The following P2RY14 variants were observed in gnomAD, a reference collection of about 807,000 sequenced individuals.
P2RY14 encodes P2Y purinoceptor 14.
In P2RY14, 2 loss-of-function variants were observed where a neutral mutation model predicts 0.9. That is an observed-to-expected ratio of 2.16 (90% CI 0.88 to 6.79). The LOEUF (loss-of-function observed/expected upper bound fraction) is 6.79. P2RY14 is among the 30% of genes most tolerant of loss of function. The pLI is 0.05. For synonymous variants in P2RY14, 158 were observed against 147.2 expected (o/e 1.07, Z -0.53); for missense variants, 378 against 400.1 (o/e 0.94, Z 0.47).
chr3:151,245,362 A>T (rs1300707129), intron 1 of P2RY14, among the ~76,000 whole-genome samples: 1 of 151,644 alleles, frequency 6.6e-6, no homozygotes, highest in Admixed American at 6.6e-5. Flanking sequence ...TTGATGCAAA[A>T]ATCCTCAATA....
At chr3:151,243,486 T>A (rs1379140344) in intron 1 of P2RY14, among the ~76,000 whole-genome samples, 1 of 152,218 alleles carries the variant, frequency 6.6e-6, no homozygotes, top group African/African-American at 2.4e-5. Flanking sequence ...ACAAGAATTT[T>A]CAACCTGGAA....
chr3:151,226,674 T>G (rs1730550103), intron 1 of P2RY14, among the ~76,000 whole-genome samples: 1 of 152,162 alleles, frequency 6.6e-6, no homozygotes, highest in South Asian at 2.1e-4. Context: ...ATTATTTTTG[T>G]TTTTGATCTG....
chr3:151,248,302 A>G (rs549668287), intron 1 of P2RY14, among the ~76,000 whole-genome samples: 38 of 152,308 alleles, frequency 2.5e-4, no homozygotes, highest in African/African-American at 8.4e-4. Context: ...GTGACTCACC[A>G]TTAAATCCAT....
At chr3:151,261,847 C>T (rs1429691292) in intron 1 of P2RY14, among the ~76,000 whole-genome samples, 2 of 152,120 alleles carry the variant, frequency 1.3e-5, no homozygotes, top group African/African-American at 4.8e-5. Flanking sequence ...GCCTCAGCCT[C>T]CCGAGTAGCT....
At chr3:151,259,365 C>T (rs542640515) in intron 1 of P2RY14, among the ~76,000 whole-genome samples, 2 of 152,296 alleles carry the variant, frequency 1.3e-5, no homozygotes, top group African/African-American at 2.4e-5. Context: ...CCAGGAAATA[C>T]TTTCAGTGAG....
intron 1 of P2RY14, among the ~76,000 whole-genome samples, chr3:151,247,962 C>CTTTTTTTTTTTTTT (rs61102632): frequency 8.7e-4 from 66 of 75,900 alleles, no homozygotes; most frequent in East Asian, 1.8e-3. Context: ...TCTTCTTCTT[C>CTTTTTTTTTTTTTT]TTTTTTTTTT....
intron 1 of P2RY14, among the ~76,000 whole-genome samples, chr3:151,242,489 A>T (rs1734394077): frequency 1.3e-5 from 2 of 152,058 alleles, no homozygotes; most frequent in Non-Finnish European, 2.9e-5. Flanking sequence ...ACTGGGAGGC[A>T]CCCCCCAGCA....
chr3:151,244,815 T>C (rs1400385435), intron 1 of P2RY14, among the ~76,000 whole-genome samples: 1 of 151,984 alleles, frequency 6.6e-6, no homozygotes, highest in Non-Finnish European at 1.5e-5. Context: ...TTCAAAAAAT[T>C]AATGAATCCA....
chr3:151,219,798 C>T (rs1364981645), intron 1 of P2RY14, among the ~76,000 whole-genome samples, 156 bp from the exon 2 acceptor site: 1 of 150,888 alleles, frequency 6.6e-6, no homozygotes, highest in Non-Finnish European at 1.5e-5. Flanking sequence ...TATTTGTTGT[C>T]ATTATTGATT....
intron 1 of P2RY14, among the ~76,000 whole-genome samples, chr3:151,262,741 GAAT>G (rs1489852497): frequency 2.1e-5 from 3 of 143,968 alleles, no homozygotes; most frequent in Admixed American, 1.4e-4. Context: ...AAGATAACAG[GAAT>G]AATAATAATA....
chr3:151,265,957 G>A (rs1023804410), intron 1 of P2RY14, among the ~76,000 whole-genome samples: 5 of 152,178 alleles, frequency 3.3e-5, no homozygotes, highest in African/African-American at 1.2e-4. Flanking sequence ...GGGCAAGTCT[G>A]ATTAGTTCTG....
chr3:151,259,254 T>A (rs1738416914), intron 1 of P2RY14, among the ~76,000 whole-genome samples: 1 of 152,246 alleles, frequency 6.6e-6, no homozygotes, highest in Non-Finnish European at 1.5e-5. Context: ...TATCAACCTC[T>A]GGCTTTCCTT....
chr3:151,213,304 A>G lies in P2RY14; in HGVS notation c.1013T>C (p.Leu338Ser). 6.3e-7 allele frequency: 1 copy of G among 1,598,320 alleles called. No individual in the cohort carries two copies. The highest frequency in any genetic ancestry group is 8.5e-7 in the Non-Finnish European group (1 of 1,173,892). ...TCTTTGGAAGAGGGTAGGAACTCAC[A>G]AAGTATCTGTGCTTTCAAGTGTTGT... The part of the protein sequence containing the change: ...GNTTLESTDT[L>S] Residue 338 changes from leucine to serine, a missense_variant, in exon 3 of 3, where the codon TTG (leucine) becomes TCG (serine). By Grantham distance (145) the Leu-to-Ser change is moderately radical (BLOSUM62 -2). Coordinates refer to ENST00000309170, the MANE Select transcript of P2RY14 (RefSeq NM_014879.4).
chr3:151,229,131 A>G (rs532955586), intron 1 of P2RY14, among the ~76,000 whole-genome samples: 16 of 152,212 alleles, frequency 1.1e-4, no homozygotes, highest in Non-Finnish European at 2.1e-4. Flanking sequence ...GGAAAAGAAT[A>G]TAAATATCCA....
chr3:151,229,349 T>A (rs1442710594), intron 1 of P2RY14, among the ~76,000 whole-genome samples: 1 of 145,686 alleles, frequency 6.9e-6, no homozygotes, highest in Non-Finnish European at 1.5e-5. Context: ...GCTCTGTTGC[T>A]CAGGCTGGAG....
chr3:151,215,486 C>A (rs953092064), intron 2 of P2RY14, among the ~76,000 whole-genome samples: 8 of 152,042 alleles, frequency 5.3e-5, no homozygotes, highest in Admixed American at 2.0e-4. Context: ...TTTTAAGACT[C>A]TGGCTACTAG....
At chr3:151,215,306 A>T (rs1727985497) in intron 2 of P2RY14, among the ~76,000 whole-genome samples, 1 of 152,196 alleles carries the variant, frequency 6.6e-6, no homozygotes, top group African/African-American at 2.4e-5. Flanking sequence ...GCCAGTCCAG[A>T]TTGAGATGTT....
At chr3:151,218,894 A>AAAAAAAAG (rs1728782739) in intron 2 of P2RY14, among the ~76,000 whole-genome samples, 1 of 148,438 alleles carries the variant, frequency 6.7e-6, no homozygotes, top group Admixed American at 6.7e-5. Context: ...AAAAAAAAAA[A>AAAAAAAAG]AAAGAGGGGG....
chr3:151,220,394 T>C (rs191947149), intron 1 of P2RY14, among the ~76,000 whole-genome samples: 2 of 152,276 alleles, frequency 1.3e-5, no homozygotes, highest in East Asian at 3.9e-4. Flanking sequence ...TAAACTTTAA[T>C]GTGCATACAC....
Sources: allele counts gnomAD v4.1 joint callset (sites outside exome capture counted in the v4.1 genomes callset), GRCh38; gene constraint gnomAD v4.1.1; transcripts MANE v1.5; gene names NCBI Gene and HGNC (gene_info 2026-07-23, HGNC 2026-07-21).